Variants in TLL1 observed in about 807,000 individuals in gnomAD.
TLL1 encodes the protein tolloid-like protein 1.
A neutral mutation model predicts 128.2 loss-of-function variants in TLL1; 49 were observed. That is an observed-to-expected ratio of 0.38 (90% CI 0.30 to 0.48). The LOEUF is 0.48. Ranked by LOEUF, TLL1 falls within the 20% of genes least tolerant of loss-of-function variation. The pLI, the probability that TLL1 is intolerant of heterozygous loss-of-function variation, is 0.96. For synonymous variants in TLL1, 454 were observed against 418.8 expected, an observed-to-expected ratio of 1.08 and a Z score of -1.03; for missense variants, 1,123 against 1,242.0, an observed-to-expected ratio of 0.90 and a Z score of 1.44.
chr4:165,895,754 T>C (rs1340739840), intron 1 of TLL1, among the ~76,000 whole-genome samples: 2 of 151,540 alleles, frequency 1.3e-5, no homozygotes, highest in African/African-American at 4.9e-5. Context: ...GGAGGACTTA[T>C]AGCTCTTGCC....
At chr4:166,065,026 C>T (rs1337090123) in intron 15 of TLL1, among the ~76,000 whole-genome samples, 2 of 152,008 alleles carry the variant, frequency 1.3e-5, no homozygotes, top group Middle Eastern at 3.2e-3. Context: ...CTGTTAGTGG[C>T]CATAAAATTG....
chr4:165,941,776 A>G (rs548533689), intron 1 of TLL1, among the ~76,000 whole-genome samples: 2 of 152,210 alleles, frequency 1.3e-5, no homozygotes, highest in East Asian at 3.9e-4. Flanking sequence ...TTATTTTTCT[A>G]GATTTTAAAA....
chr4:166,075,138 T>G, intron 17 of TLL1, 135 bp downstream of exon 17: 1 of 1,219,348 alleles, frequency 8.2e-7, no homozygotes, highest in South Asian at 1.2e-5. Context: ...AAAAACAAAA[T>G]TCTGTGTAAT....
intron 1 of TLL1, among the ~76,000 whole-genome samples, chr4:165,886,319 C>T (rs1731161856): frequency 6.6e-6 from 1 of 152,068 alleles, no homozygotes; most frequent in Non-Finnish European, 1.5e-5. Flanking sequence ...GTCTATGAAA[C>T]ATGTAATGAT....
chr4:166,003,346 A>G (rs1737254703), intron 5 of TLL1, 45 bp from the exon 6 acceptor site: 1 of 1,606,560 alleles, frequency 6.2e-7, no homozygotes, highest in Middle Eastern at 1.7e-4. Flanking sequence ...TCAGTTGTCC[A>G]GCACCACCTT....
intron 1 of TLL1, among the ~76,000 whole-genome samples, chr4:165,902,223 G>A (rs1732028530): frequency 6.6e-6 from 1 of 152,056 alleles, no homozygotes; most frequent in Admixed American, 6.5e-5. Context: ...TTGGGTCCCT[G>A]GCTTCAGCCC....
intron 1 of TLL1, among the ~76,000 whole-genome samples, chr4:165,883,071 G>T (rs1174034104): frequency 2.0e-5 from 3 of 152,248 alleles, no homozygotes; most frequent in African/African-American, 7.2e-5. Flanking sequence ...GAAAATAGTT[G>T]TAGTAAGAAC....
At chr4:166,064,727 T>TCCAA (rs1740494023) in intron 15 of TLL1, among the ~76,000 whole-genome samples, 1 of 152,120 alleles carries the variant, frequency 6.6e-6, no homozygotes, top group South Asian at 2.1e-4. Context: ...AAACAGTCTT[T>TCCAA]TATACTATAT....
intron 12 of TLL1, among the ~76,000 whole-genome samples, chr4:166,052,584 C>T (rs183788001): frequency 2.6e-5 from 4 of 152,072 alleles, no homozygotes; most frequent in Non-Finnish European, 4.4e-5. Flanking sequence ...TGTGAGCCAC[C>T]GTGCCTGGTC....
intron 1 of TLL1, among the ~76,000 whole-genome samples, chr4:165,951,750 G>A (rs1734530201): frequency 6.6e-6 from 1 of 152,028 alleles, no homozygotes; most frequent in African/African-American, 2.4e-5. Flanking sequence ...TCCCTACTCA[G>A]CCATTGTGTT....
chr4:165,897,668 T>TTTTC (rs1189547464), intron 1 of TLL1, among the ~76,000 whole-genome samples: 1 of 144,964 alleles, frequency 6.9e-6, no homozygotes, highest in African/African-American at 2.6e-5. Flanking sequence ...CCAGCTTTTT[T>TTTTC]TTTTTTTTTT....
intron 1 of TLL1, among the ~76,000 whole-genome samples, chr4:165,924,847 G>C (rs888755581): frequency 1.3e-5 from 2 of 152,092 alleles, no homozygotes; most frequent in African/African-American, 4.8e-5. Flanking sequence ...TAAAGCCAAC[G>C]CTTATTTACC....
intron 1 of TLL1, among the ~76,000 whole-genome samples, chr4:165,983,039 C>A (rs1479841505): frequency 6.6e-6 from 1 of 151,754 alleles, no homozygotes; most frequent in Non-Finnish European, 1.5e-5. Context: ...TTTTTTAAAA[C>A]TTCTGAACTA....
chr4:166,003,645 A>G, intron 6 of TLL1, 76 bp downstream of exon 6: 1 of 1,485,448 alleles, frequency 6.7e-7, no homozygotes, highest in South Asian at 1.2e-5. Context: ...TTATTATTTC[A>G]CTTTCCCAAA....
At chr4:165,883,978 CA>C (rs1276368414) in intron 1 of TLL1, among the ~76,000 whole-genome samples, 1 of 152,134 alleles carries the variant, frequency 6.6e-6, no homozygotes, top group Admixed American at 6.5e-5. Context: ...ATTTCTGGTT[CA>C]GATTTTGTTT....
chr4:166,082,168 G>T (rs1211250874), intron 18 of TLL1, among the ~76,000 whole-genome samples: 1 of 152,132 alleles, frequency 6.6e-6, no homozygotes, highest in African/African-American at 2.4e-5. Flanking sequence ...GCTAGCATGT[G>T]TCAGAATTAC....
rs536164725 is a variant in TLL1, at chr4:166,037,347, A to G, written c.1159-1992A>G. 8.4e-4 allele frequency among the ~76,000 whole-genome samples: 128 copies of G among 152,340 alleles called. 1 individual carries two copies. The highest frequency in any genetic ancestry group is 3.0e-3 in the African/African-American group (125 of 41,578). ...AGATACTAAAGCATTTTGATAATCAAGTGTTGAGGATTATTGGTAAAAATG... is the reference window on the plus strand; with the variant it reads ...AGATACTAAAGCATTTTGATAATCAGGTGTTGAGGATTATTGGTAAAAATG... On this transcript the variant is annotated intron_variant, in intron 9 of 20. Transcript: ENST00000061240.
chr4:165,901,097 A>C (rs1170082636), intron 1 of TLL1, among the ~76,000 whole-genome samples: 1 of 151,938 alleles, frequency 6.6e-6, no homozygotes, highest in East Asian at 1.9e-4. Flanking sequence ...CAGGTCATTT[A>C]TGTTATTCTC....
chr4:165,956,859 C>G (rs573520294), intron 1 of TLL1, among the ~76,000 whole-genome samples: 1 of 152,222 alleles, frequency 6.6e-6, no homozygotes, highest in Admixed American at 6.5e-5. Flanking sequence ...GCCGGTCCCT[C>G]TGTTTGGGGT....
Sources: allele counts gnomAD v4.1 joint callset (sites outside exome capture counted in the v4.1 genomes callset), GRCh38; gene constraint gnomAD v4.1.1; transcripts MANE v1.5; gene names NCBI Gene and HGNC (gene_info 2026-07-23, HGNC 2026-07-21).